Variants in NVL observed in about 807,000 individuals in gnomAD.
NVL encodes nuclear VCP like, also known as nuclear valosin-containing protein-like.
Under a neutral mutation model 110.2 loss-of-function variants are expected in NVL, and 84 were observed. The ratio of observed to expected loss-of-function variants is 0.76; its 90% CI spans 0.64 to 0.91. The LOEUF (loss-of-function observed/expected upper bound fraction) is 0.91, where lower values mean the gene tolerates loss of function less well. Ranked by LOEUF, NVL falls within the 40% of genes least tolerant of loss-of-function variation. NVL has a pLI of 0.00. For missense variants in NVL, 882 were observed against 1,035.9 expected, an observed-to-expected ratio of 0.85 and a Z score of 2.04; for synonymous variants, 354 against 361.1, an observed-to-expected ratio of 0.98 and a Z score of 0.22.
intron 12 of NVL, 45 bp downstream of exon 12, chr1:224,294,222 T>C: frequency 6.2e-7 from 1 of 1,603,258 alleles, no homozygotes; most frequent in Non-Finnish European, 8.5e-7. Flanking sequence ...ACCATTCAGT[T>C]AAGATGACTT....
chr1:224,328,623 A>AAGTACTTG (rs1671381868), intron 1 of NVL, among the ~76,000 whole-genome samples: 1 of 152,144 alleles, frequency 6.6e-6, no homozygotes, highest in African/African-American at 2.4e-5. Context: ...AGACAGTAAG[A>AAGTACTTG]AGTACTTGGA....
intron 19 of NVL, among the ~76,000 whole-genome samples, chr1:224,248,326 A>G (rs1464928000): frequency 2.0e-5 from 3 of 151,798 alleles, no homozygotes; most frequent in South Asian, 2.1e-4. Context: ...TTTCTTTTTC[A>G]TTGATGTTTC....
intron 11 of NVL, among the ~76,000 whole-genome samples, 153 bp from the exon 12 acceptor site, chr1:224,294,564 A>C (rs1667696729): frequency 6.6e-6 from 1 of 152,210 alleles, no homozygotes; most frequent in Non-Finnish European, 1.5e-5. Context: ...CAAATATGTA[A>C]AAGGTGTGAG....
At chr1:224,300,773 T>C (rs1668317040) in intron 9 of NVL, 110 bp from the exon 10 acceptor site, 1 of 715,382 alleles carries the variant, frequency 1.4e-6, no homozygotes, top group Non-Finnish European at 2.3e-6. Flanking sequence ...AGGAACTTCA[T>C]CTTTTTATGT....
rs146866418 is a variant in NVL at position 224,300,981 on chromosome 1, T to C, written c.961-318A>G. On this transcript the variant is annotated intron_variant, in intron 9 of 22. Coordinates refer to ENST00000281701, the MANE Select transcript of NVL (RefSeq NM_002533.4). ...TTAGCCATGCATGGTGGTGCATGCC[T>C]ATAATCCCAGCTACTTGGGAAGGCT... Among the ~76,000 whole-genome samples the C allele has an allele frequency of 3.3e-5, 5 of 152,096 alleles. No individual in the cohort carries two copies. The East Asian group carries it at 9.7e-4, about 29-fold the overall frequency.
At chr1:224,250,992 G>T (rs536191870) in intron 18 of NVL, among the ~76,000 whole-genome samples, 3 of 151,774 alleles carry the variant, frequency 2.0e-5, no homozygotes, top group African/African-American at 7.2e-5. Context: ...TGCAATTAAC[G>T]GCTGGGCGCG....
chr1:224,241,464 T>C (rs879535185), intron 19 of NVL, among the ~76,000 whole-genome samples: 7 of 152,152 alleles, frequency 4.6e-5, no homozygotes, highest in Non-Finnish European at 1.0e-4. Flanking sequence ...TATTATATTA[T>C]TTTTTAATAA....
chr1:224,246,574 C>A (rs1425019881), intron 19 of NVL, among the ~76,000 whole-genome samples: 1 of 152,190 alleles, frequency 6.6e-6, no homozygotes, highest in Non-Finnish European at 1.5e-5. Flanking sequence ...CTCTTTAGTT[C>A]ATGAAATCCC....
chr1:224,271,741 G>A (rs908197343), intron 17 of NVL, among the ~76,000 whole-genome samples: 2 of 152,072 alleles, frequency 1.3e-5, no homozygotes, highest in African/African-American at 4.8e-5. Flanking sequence ...TGCCAGGCGC[G>A]GTGGCTCACG....
intron 14 of NVL, among the ~76,000 whole-genome samples, chr1:224,286,626 A>G (rs1283412392): frequency 6.6e-6 from 1 of 152,230 alleles, no homozygotes; most frequent in Non-Finnish European, 1.5e-5. Flanking sequence ...TTATACTTGA[A>G]CATAATGTCT....
At chr1:224,265,591 C>A (rs978499896) in intron 18 of NVL, among the ~76,000 whole-genome samples, 3 of 152,030 alleles carry the variant, frequency 2.0e-5, no homozygotes, top group Admixed American at 6.6e-5. Flanking sequence ...TTACAGGAAA[C>A]GAAAGATTGA....
At chr1:224,271,529 T>C (rs1558284470) in intron 17 of NVL, among the ~76,000 whole-genome samples, 1 of 151,860 alleles carries the variant, frequency 6.6e-6, no homozygotes, top group Non-Finnish European at 1.5e-5. Flanking sequence ...AAGCGTAAAA[T>C]ATAAATTTTT....
chr1:224,291,648 T>C (rs1467710995), intron 12 of NVL, among the ~76,000 whole-genome samples: 2 of 152,344 alleles, frequency 1.3e-5, no homozygotes, highest in African/African-American at 4.8e-5. Context: ...AATTTGCTAC[T>C]ATGCACAAGA....
intron 2 of NVL, among the ~76,000 whole-genome samples, chr1:224,322,530 A>G (rs1209220100): frequency 3.3e-5 from 5 of 152,166 alleles, no homozygotes; most frequent in South Asian, 2.1e-4. Context: ...TTTGGTATTG[A>G]TAAGTATAGT....
At chr1:224,258,461 T>A (rs1487006714) in intron 18 of NVL, among the ~76,000 whole-genome samples, 1 of 152,226 alleles carries the variant, frequency 6.6e-6, no homozygotes, top group African/African-American at 2.4e-5. Flanking sequence ...ATAAAAATGA[T>A]GCAGCCACTT....
intron 5 of NVL, among the ~76,000 whole-genome samples, chr1:224,310,988 C>T (rs892071738): frequency 6.6e-6 from 1 of 152,164 alleles, no homozygotes; most frequent in Admixed American, 6.6e-5. Context: ...CTGCCTCAGC[C>T]TCCCAAAGTG....
chr1:224,317,270 A>C (rs893483104), intron 4 of NVL, among the ~76,000 whole-genome samples: 2 of 152,214 alleles, frequency 1.3e-5, no homozygotes, highest in African/African-American at 2.4e-5. Flanking sequence ...ATATTGTATT[A>C]GGGCAGAAAA....
At chr1:224,307,459 TGGGAGTCCGA>T (rs1171781047) in intron 6 of NVL, among the ~76,000 whole-genome samples, 1 of 152,178 alleles carries the variant, frequency 6.6e-6, no homozygotes, top group Non-Finnish European at 1.5e-5. Context: ...CCCAGAACTT[TGGGAGTCCGA>T]GGCGGGTGGA....
intron 18 of NVL, among the ~76,000 whole-genome samples, chr1:224,254,873 T>A (rs138551122): frequency 6.0e-4 from 76 of 126,288 alleles, no homozygotes; most frequent in African/African-American, 2.0e-3. Context: ...TTTAAAATGG[T>A]GTAGTTTTTT....
Sources: allele counts gnomAD v4.1 joint callset (sites outside exome capture counted in the v4.1 genomes callset), GRCh38; gene constraint gnomAD v4.1.1; transcripts MANE v1.5; gene names NCBI Gene and HGNC (gene_info 2026-07-23, HGNC 2026-07-21).